The following DSCAML1 variants were observed in gnomAD, a reference collection of about 807,000 sequenced individuals.
DSCAML1 encodes DS cell adhesion molecule like 1.
In DSCAML1, 38 loss-of-function variants were observed where a neutral mutation model predicts 200.5. That is an observed-to-expected ratio of 0.19 (90% CI 0.15 to 0.25). The LOEUF (loss-of-function observed/expected upper bound fraction) is 0.25. Among genes scored for constraint, DSCAML1 ranks in the 10% least tolerant of loss-of-function variants. DSCAML1 has a pLI of 1.00. For missense variants in DSCAML1, 2,223 were observed against 2,858.8 expected (o/e 0.78, Z 5.07); for synonymous variants, 1,215 against 1,165.0 (o/e 1.04, Z -0.87).
intron 5 of DSCAML1, among the ~76,000 whole-genome samples, chr11:117,521,936 T>TC (rs1280392614): frequency 5.9e-5 from 9 of 152,208 alleles, no homozygotes; most frequent in Non-Finnish European, 1.2e-4. Context: ...CCTCCCTGCC[T>TC]CCCCCCAGCT....
At chr11:117,622,475 C>A (rs996833150) in intron 3 of DSCAML1, among the ~76,000 whole-genome samples, 1 of 152,136 alleles carries the variant, frequency 6.6e-6, no homozygotes, top group Non-Finnish European at 1.5e-5. Flanking sequence ...AGCTCATGTG[C>A]AGATCCTGCA....
At chr11:117,486,911 C>CTTTTTTTTTTTTTT (rs56805170) in intron 11 of DSCAML1, among the ~76,000 whole-genome samples, 12 of 79,668 alleles carry the variant, frequency 1.5e-4, no homozygotes, top group African/African-American at 3.7e-4. Flanking sequence ...TGTAAAATAC[C>CTTTTTTTTTTTTTT]TTTTTTTTTT....
chr11:117,727,804 C>A (rs953190471), intron 3 of DSCAML1, among the ~76,000 whole-genome samples: 1 of 152,138 alleles, frequency 6.6e-6, no homozygotes, highest in African/African-American at 2.4e-5. Context: ...TACTGGGGAG[C>A]TGTTGAGTAG....
chr11:117,552,389 A>C (rs1249849466), intron 3 of DSCAML1, among the ~76,000 whole-genome samples: 1 of 151,994 alleles, frequency 6.6e-6, no homozygotes, highest in Non-Finnish European at 1.5e-5. Context: ...TCTGCAAAGC[A>C]CTTTCCTGTC....
intron 3 of DSCAML1, among the ~76,000 whole-genome samples, chr11:117,577,218 G>A (rs565583970): frequency 3.9e-4 from 60 of 152,290 alleles, no homozygotes; most frequent in Middle Eastern, 3.4e-3. Context: ...CCATGGCCTA[G>A]CTGTACCAGA....
At chr11:117,429,256 C>T (rs191116770) in intron 32 of DSCAML1, among the ~76,000 whole-genome samples, 153 of 152,252 alleles carry the variant, frequency 1.0e-3, no homozygotes, top group African/African-American at 3.4e-3. Flanking sequence ...TTCCCTGTCG[C>T]CTCCCCACCA....
intron 3 of DSCAML1, among the ~76,000 whole-genome samples, chr11:117,599,230 C>T (rs1180739703): frequency 6.6e-6 from 1 of 152,100 alleles, no homozygotes; most frequent in Non-Finnish European, 1.5e-5. Flanking sequence ...TGGTTGCTAC[C>T]AGGGGAATGT....
chr11:117,443,917 G>A lies in DSCAML1; in HGVS notation c.3831C>T (p.Ser1277=), dbSNP rs1041262991. 8 of 1,611,482 alleles carry A rather than the reference G, an allele frequency of 5.0e-6. No individual in the cohort carries two copies. Among genetic ancestry groups the A allele is most frequent in the South Asian group, 3.3e-5 (3 of 91,018 alleles). Residue 1277 remains serine, a synonymous_variant, in exon 21 of 33, where the codon AGC becomes AGT. Coordinates refer to ENST00000651296, the MANE Select transcript of DSCAML1 (RefSeq NM_020693.4). The part of the protein sequence containing the change: ...AVTSAGRGNS[S]EKVTIEPAGK... ...CAGCAGGCTCGATGGTCACCTTCTCGCTGCTGTTGCCCCGGCCGGCAGAGG... is the reference window on the plus strand; with the variant it reads ...CAGCAGGCTCGATGGTCACCTTCTCACTGCTGTTGCCCCGGCCGGCAGAGG...
intron 1 of DSCAML1, among the ~76,000 whole-genome samples, chr11:117,792,319 G>A (rs1174822496): frequency 6.6e-6 from 1 of 152,152 alleles, no homozygotes; most frequent in East Asian, 1.9e-4. Context: ...TCAGGGCCCT[G>A]GAAATGCAGA....
intron 3 of DSCAML1, among the ~76,000 whole-genome samples, chr11:117,746,341 C>T (rs1278401743): frequency 6.6e-6 from 1 of 151,398 alleles, no homozygotes. Context: ...CATTTGGAAG[C>T]AGACCAGGGT....
In DSCAML1 at chr11:117,717,486, G is replaced by A. The variant is rs758816561; in HGVS notation, c.511+59305C>T. 1.2e-4 allele frequency among the ~76,000 whole-genome samples: 18 copies of A among 152,336 alleles called. No homozygotes were observed. The East Asian group carries it at 2.1e-3, about 18-fold the overall frequency. ...CTCAGGCAGGTTCCAACTGACTGGCGGTGGCTTCCTGTGTGGATAAGGATT... is the reference window on the plus strand; with the variant it reads ...CTCAGGCAGGTTCCAACTGACTGGCAGTGGCTTCCTGTGTGGATAAGGATT... On this transcript the variant is annotated intron_variant, in intron 3 of 32. Coordinates refer to ENST00000651296, the MANE Select transcript of DSCAML1 (RefSeq NM_020693.4).
intron 3 of DSCAML1, among the ~76,000 whole-genome samples, chr11:117,568,771 A>G (rs2050798402): frequency 6.6e-6 from 1 of 152,226 alleles, no homozygotes; most frequent in African/African-American, 2.4e-5. Context: ...GGAAGAATCA[A>G]TATCCTGAAA....
chr11:117,490,569 G>C (rs2137245509), intron 11 of DSCAML1, among the ~76,000 whole-genome samples: 1 of 152,330 alleles, frequency 6.6e-6, no homozygotes, highest in Non-Finnish European at 1.5e-5. Flanking sequence ...GCTCCTTGCA[G>C]TTTACAAAGC....
At chr11:117,715,463 C>G (rs4938430) in intron 3 of DSCAML1, among the ~76,000 whole-genome samples, 145,163 of 152,306 alleles carry the variant, frequency 0.95, 69,352 homozygotes, top group South Asian at 0.99. Flanking sequence ...TCTTTTACAA[C>G]AGAAAGTATA....
Position 117,514,703 on chromosome 11 carries a change from C to G in DSCAML1, c.1783+1764G>C, listed in dbSNP as rs2049721755. On this transcript the variant is annotated intron_variant, in intron 8 of 32. Coordinates refer to ENST00000651296, the MANE Select transcript of DSCAML1 (RefSeq NM_020693.4). The stretch of plus-strand genomic sequence containing the variant: ...GTTCAAGTTATTCTCCTGCTTCTGC[C>G]TCCCAAGTAGCTGGTATTACAGGCA... 4.0e-5 allele frequency among the ~76,000 whole-genome samples: 6 copies of G among 150,752 alleles called. No individual in the cohort carries two copies. In the Admixed American group the frequency reaches 4.0e-4, roughly 10 times the overall value.
intron 3 of DSCAML1, among the ~76,000 whole-genome samples, chr11:117,628,093 G>A (rs1353906125): frequency 6.6e-6 from 1 of 152,100 alleles, no homozygotes; most frequent in Non-Finnish European, 1.5e-5. Flanking sequence ...TTTCTGTAAG[G>A]GACACATCAG....
intron 3 of DSCAML1, among the ~76,000 whole-genome samples, chr11:117,540,705 G>T (rs11216445): frequency 0.018 from 2,735 of 151,990 alleles, 30 homozygotes; most frequent in Middle Eastern, 0.048. Context: ...ATGAGGGGCT[G>T]GGGGGAGGGA....
Position 117,431,626 on chromosome 11 carries a change from G to A in DSCAML1, c.5282C>T (p.Thr1761Ile), listed in dbSNP as rs1032544802. The A allele has an allele frequency of 1.9e-6, 3 of 1,613,444 alleles. No homozygotes were observed. Among genetic ancestry groups the A allele is most frequent in the East Asian group, 2.2e-5 (1 of 44,842 alleles). ...CACGGTGCGCCAGTCGGAGGTGAGG[G>A]TGCGGGCAGGTGTGGAGGCCTGGCA... ...TKCQASTPAR[T>I]LTSDWRTVGS... Residue 1761 changes from threonine (T) to isoleucine (I), a missense_variant, in exon 31 of 33, where the codon ACC becomes ATC. Thr to Ile is a moderately conservative substitution (Grantham distance 89). This residue lies in a region of DSCAML1 where 614 missense variants were observed against 739.1 expected (regional missense o/e 0.83). Coordinates refer to ENST00000651296, the MANE Select transcript of DSCAML1 (RefSeq NM_020693.4).
chr11:117,695,092 T>C (rs977689476), intron 3 of DSCAML1, among the ~76,000 whole-genome samples: 2 of 151,906 alleles, frequency 1.3e-5, no homozygotes, highest in Non-Finnish European at 2.9e-5. Flanking sequence ...ACACAATAAG[T>C]GCTCAAGGGA....
Sources: allele counts gnomAD v4.1 joint callset (sites outside exome capture counted in the v4.1 genomes callset), GRCh38; gene constraint gnomAD v4.1.1; regional missense constraint gnomAD v4.1.1; transcripts MANE v1.5; gene names NCBI Gene and HGNC (gene_info 2026-07-23, HGNC 2026-07-21).